DAGLB: variants seen among roughly 807,000 people sequenced by gnomAD.
DAGLB encodes the protein diacylglycerol lipase beta.
In DAGLB, 66 loss-of-function variants were observed where a neutral mutation model predicts 72.1. The ratio of observed to expected loss-of-function variants is 0.92; its 90% CI spans 0.75 to 1.12. The LOEUF is 1.12. Among genes scored for constraint, DAGLB ranks in the 50% most tolerant of loss-of-function variants. The probability of loss-of-function intolerance (pLI) is 0.00; values close to 1 mark genes in which losing one functional copy is unlikely to be tolerated. For missense variants in DAGLB, 1,065 were observed against 884.9 expected (o/e 1.20, Z -2.58); for synonymous variants, 414 against 359.5 (o/e 1.15, Z -1.71).
chr7:6,424,423 C>A (rs142369603), intron 8 of DAGLB, among the ~76,000 whole-genome samples: 3,368 of 152,174 alleles, frequency 0.022, 57 homozygotes, highest in Middle Eastern at 0.054. Context: ...TGCAGAAATT[C>A]CCCGGGAGGG....
chr7:6,410,306 G>A lies in DAGLB; in HGVS notation c.1644C>T (p.Asp548=), dbSNP rs201919863. 219 of 1,614,024 alleles carry A rather than the reference G, an allele frequency of 1.4e-4. 1 individual carries two copies. The highest frequency in any genetic ancestry group is 3.4e-5 in the Non-Finnish European group (40 of 1,179,982). ...GNPNNLPTEL[D]GGDQEVLTQP... ...GTGTCAGGACTTCCTGGTCGCCCCCGTCCAGCTCCGTGGGCAAGTTGTTGG... is the reference window on the plus strand; with the variant it reads ...GTGTCAGGACTTCCTGGTCGCCCCCATCCAGCTCCGTGGGCAAGTTGTTGG... Residue 548 remains aspartate (D), a synonymous_variant, in exon 14 of 15, where the codon GAC becomes GAT. Coordinates refer to ENST00000297056, the MANE Select transcript of DAGLB (RefSeq NM_139179.4).
chr7:6,444,122 A>T (rs1215534989), intron 2 of DAGLB, among the ~76,000 whole-genome samples: 1 of 152,074 alleles, frequency 6.6e-6, no homozygotes, highest in Non-Finnish European at 1.5e-5. Context: ...AAAATAAAAA[A>T]AATTAGCCAG....
chr7:6,435,965 C>T (rs552467181), intron 3 of DAGLB, among the ~76,000 whole-genome samples: 11 of 152,104 alleles, frequency 7.2e-5, no homozygotes, highest in Admixed American at 2.6e-4. Flanking sequence ...TTCCCTGTCC[C>T]ACTTCTGGAC....
rs752974552 is a variant in DAGLB, at chr7:6,434,864, C to T, written c.576G>A (p.Val192=). The T allele has an allele frequency of 6.2e-7, 1 of 1,614,210 alleles. No individual in the cohort carries two copies. The highest frequency in any genetic ancestry group is 8.5e-7 in the Non-Finnish European group (1 of 1,180,046). ...LNGLKTAATS[V]WETRIKLLCC... The stretch of plus-strand genomic sequence containing the variant: ...ACAAGAGCTTGATTCTGGTTTCCCA[C>T]ACGCTTGTAGCTGCTGTCTTGAGGC... The change falls in exon 4 of 15, where the codon GTG becomes GTA. Residue 192 remains valine (V), a synonymous_variant. Transcript: ENST00000297056.
intron 2 of DAGLB, among the ~76,000 whole-genome samples, chr7:6,437,899 C>T (rs836541): frequency 0.076 from 11,551 of 152,148 alleles, 1,012 homozygotes; most frequent in African/African-American, 0.21. Flanking sequence ...GCCTTTGCCT[C>T]GCAAAGTGCT....
At position 6,446,108 on chromosome 7, in the gene DAGLB, G is replaced by GAA; in HGVS notation, c.96-5_96-4insTT. 1 of 1,557,678 alleles carries GAA rather than the reference G, an allele frequency of 6.4e-7. No individual in the cohort carries two copies. Among genetic ancestry groups the GAA allele is most frequent in the African/African-American group, 1.4e-5 (1 of 69,754 alleles). ...CAACGTCAGAATGCCAATCCACCTG[G>GAA]CAAAAAAAAAAAAGGGAAGGGTCAG... is the stretch of plus-strand genomic sequence containing the variant. On this transcript the variant is annotated splice_polypyrimidine_tract_variant and splice_region_variant and intron_variant, in intron 1 of 14. Coordinates refer to ENST00000297056, the MANE Select transcript of DAGLB (RefSeq NM_139179.4).
intron 6 of DAGLB, 81 bp from the exon 7 acceptor site, chr7:6,426,195 A>G (rs2115265597): frequency 3.2e-6 from 5 of 1,587,168 alleles, no homozygotes; most frequent in Non-Finnish European, 3.4e-6. Context: ...ACATGTTCCC[A>G]GAGACGCGAG....
intron 8 of DAGLB, 112 bp downstream of exon 8, chr7:6,424,640 C>T: frequency 2.0e-6 from 2 of 1,010,342 alleles, no homozygotes; most frequent in Non-Finnish European, 3.1e-6. Context: ...TCTGTCCTCA[C>T]CATTTTCCCC....
At chr7:6,427,950 T>A (rs893695595) in intron 6 of DAGLB, among the ~76,000 whole-genome samples, 6 of 152,132 alleles carry the variant, frequency 3.9e-5, no homozygotes, top group Non-Finnish European at 7.4e-5. Context: ...CACTGAATAA[T>A]TTAAGAATCT....
In DAGLB at chr7:6,447,757, C is replaced by G; in HGVS notation, c.86G>C (p.Arg29Pro). The change falls in exon 1 of 15, where the codon CGA (arginine) becomes CCA (proline). Residue 29 changes from arginine (R) to proline (P), a missense_variant. Arg to Pro is a moderately radical substitution (Grantham distance 103). Transcript: ENST00000297056. ...TAGCCGCCGTCCTTACCACAGCACTCGCACGACCAGCTCGAAGAACCCTGG... is the reference window on the plus strand; with the variant it reads ...TAGCCGCCGTCCTTACCACAGCACTGGCACGACCAGCTCGAAGAACCCTGG... Reference protein sequence around the residue: ...VFPGFFELVVRVLWWIGILTL... With the variant: ...VFPGFFELVVPVLWWIGILTL... 6.2e-7 allele frequency: 1 copy of G among 1,613,394 alleles called. No individual in the cohort carries two copies. Among genetic ancestry groups the G allele is most frequent in the African/African-American group, 1.3e-5 (1 of 75,014 alleles).
At chr7:6,413,426 T>A (rs773473915) in intron 11 of DAGLB, among the ~76,000 whole-genome samples, 43 of 151,972 alleles carry the variant, frequency 2.8e-4, no homozygotes, top group African/African-American at 6.0e-4. Flanking sequence ...GTCAGGAGAT[T>A]GAAACCATCC....
chr7:6,418,416 C>T (rs1783988623), intron 9 of DAGLB, among the ~76,000 whole-genome samples: 2 of 151,968 alleles, frequency 1.3e-5, no homozygotes, highest in South Asian at 4.1e-4. Context: ...AAAATAAAGC[C>T]ATTCCCTACA....
intron 2 of DAGLB, among the ~76,000 whole-genome samples, chr7:6,438,885 A>G (rs1685909818): frequency 6.6e-6 from 1 of 151,962 alleles, no homozygotes; most frequent in African/African-American, 2.4e-5. Flanking sequence ...GATGATGATG[A>G]TGGTACTGAG....
chr7:6,429,282 G>A (rs1784406469), intron 6 of DAGLB, among the ~76,000 whole-genome samples: 1 of 151,976 alleles, frequency 6.6e-6, no homozygotes, highest in Non-Finnish European at 1.5e-5. Context: ...ATCTAATCAT[G>A]GGGAAACCAT....
chr7:6,430,514 G>A lies in DAGLB; in HGVS notation c.895C>T (p.Pro299Ser). The change falls in exon 6 of 15, where the codon CCC becomes TCC. Residue 299 changes from proline to serine, a missense_variant. Coordinates refer to ENST00000297056, the MANE Select transcript of DAGLB (RefSeq NM_139179.4). ...CCAATCCTGCACAGCCCCGTGAGGG[G>A]GTTTCTGTAGATGTAGAGGGGCCAC... ...YGWPLYIYRNPLTGLCRIGGD... is the reference protein window; with the variant it reads ...YGWPLYIYRNSLTGLCRIGGD... The A allele has an allele frequency of 6.3e-7, 1 of 1,599,066 alleles. No homozygotes were observed. The highest frequency in any genetic ancestry group is 8.5e-7 in the Non-Finnish European group (1 of 1,170,110).
At chr7:6,421,704 GAC>G (rs781384658) in intron 9 of DAGLB, 21 bp downstream of exon 9, 1 of 1,587,898 alleles carries the variant, frequency 6.3e-7, no homozygotes, top group African/African-American at 1.3e-5. Context: ...TCACAGGCAA[GAC>G]ACACGAGTCC....
rs766304974 is a variant in DAGLB at position 6,446,019 on chromosome 7, C to A, written c.181G>T (p.Val61Phe). ...ACAACTGCCAGGAGAATCATGAGGA[C>A]GATCAAGTAACTGCTGAGCAAGGCT... ...GGALLSSYLI[V>F]LMILLAVVIC... The change falls in exon 2 of 15, where the codon GTC becomes TTC. Residue 61 changes from valine (V) to phenylalanine (F), a missense_variant. Physicochemically the swap from Val to Phe is conservative, Grantham distance 50. Coordinates refer to ENST00000297056, the MANE Select transcript of DAGLB (RefSeq NM_139179.4). 2.5e-6 allele frequency: 4 copies of A among 1,613,258 alleles called. No homozygotes were observed. The highest frequency in any genetic ancestry group is 3.4e-6 in the Non-Finnish European group (4 of 1,179,864).
At chr7:6,425,106 G>A (rs1244655209) in intron 7 of DAGLB, among the ~76,000 whole-genome samples, 1 of 152,200 alleles carries the variant, frequency 6.6e-6, no homozygotes, top group South Asian at 2.1e-4. Context: ...CTGGCCCAGG[G>A]TGCGGCCTGG....
chr7:6,432,593 GA>G (rs1179084492), intron 5 of DAGLB, among the ~76,000 whole-genome samples: 1 of 148,318 alleles, frequency 6.7e-6, no homozygotes, highest in Non-Finnish European at 1.5e-5. Flanking sequence ...CTGGGAGGCA[GA>G]ACTTGCAGTA....
Sources: allele counts gnomAD v4.1 joint callset (sites outside exome capture counted in the v4.1 genomes callset), GRCh38; gene constraint gnomAD v4.1.1; transcripts MANE v1.5; gene names NCBI Gene and HGNC (gene_info 2026-07-23, HGNC 2026-07-21).